VPS13C: variants seen among roughly 807,000 people sequenced by gnomAD.
VPS13C encodes vacuolar protein sorting 13 homolog C, also known as intermembrane lipid transfer protein VPS13C.
In VPS13C, 358 loss-of-function variants were observed where a neutral mutation model predicts 456.8. The ratio of observed to expected loss-of-function variants is 0.78; its 90% CI spans 0.72 to 0.86. The LOEUF (loss-of-function observed/expected upper bound fraction) is 0.86, where lower values mean the gene tolerates loss of function less well. VPS13C is among the 40% of genes least tolerant of loss of function. VPS13C has a pLI of 0.00. For synonymous variants in VPS13C, 1,578 were observed against 1,486.7 expected (o/e 1.06, Z -1.41); for missense variants, 4,818 against 4,385.4 (o/e 1.10, Z -2.79).
intron 11 of VPS13C, among the ~76,000 whole-genome samples, chr15:62,012,716 CTT>C (rs2047089743): frequency 1.3e-5 from 2 of 151,710 alleles, no homozygotes; most frequent in Admixed American, 1.3e-4. Context: ...TTATAATACT[CTT>C]AATCATTCTG....
chr15:62,005,734 G>A (rs1218742475), intron 15 of VPS13C, among the ~76,000 whole-genome samples: 4 of 149,858 alleles, frequency 2.7e-5, no homozygotes, highest in Non-Finnish European at 5.9e-5. Flanking sequence ...AGGGAGTTTC[G>A]CTCTTGTTGC....
chr15:62,023,520 T>C lies in VPS13C; in HGVS notation c.515A>G (p.Asp172Gly), dbSNP rs192865849. The change falls in exon 8 of 85, where the codon GAT (aspartate) becomes GGT (glycine). Residue 172 changes from aspartate (D) to glycine (G), a missense_variant and splice_region_variant. By Grantham distance (94) the Asp-to-Gly change is moderately conservative. This residue lies in a region of VPS13C where 4,552 missense variants were observed against 4,130.6 expected (regional missense o/e 1.10). Coordinates refer to ENST00000644861, the MANE Select transcript of VPS13C (RefSeq NM_020821.3). ...ATCCTTTTTGGCTTCTTTTGGCTTA[T>C]CTATTAAAAAATAGAAAAATACAAG... ...KPFKGLDRSK[D>G]KPKEAKKDTF... The C allele has an allele frequency of 2.9e-5, 45 of 1,560,508 alleles. No homozygotes were observed. The East Asian group carries it at 8.7e-4, about 30-fold the overall frequency.
At chr15:61,900,431 CA>C (rs1480819883) in intron 66 of VPS13C, among the ~76,000 whole-genome samples, 1 of 152,188 alleles carries the variant, frequency 6.6e-6, no homozygotes, top group Non-Finnish European at 1.5e-5. Context: ...GATACAAAAT[CA>C]ATGTACAAAA....
At chr15:62,008,596 G>C in intron 14 of VPS13C, 59 bp downstream of exon 14, 4 of 1,235,572 alleles carry the variant, frequency 3.2e-6, no homozygotes, top group Non-Finnish European at 3.3e-6. Context: ...TTAACTCTGA[G>C]AGTAACTAAA....
rs757628247 is a variant in VPS13C, at chr15:61,882,665, T to C, written c.9555A>G (p.Ser3185=). The change falls in exon 69 of 85, where the codon TCA becomes TCG. Residue 3185 remains serine, a synonymous_variant. Coordinates refer to ENST00000644861, the MANE Select transcript of VPS13C (RefSeq NM_020821.3). ...ACTGCTTAAATTCAATCTGAATTCC[T>C]GATAAAAAGTCTCGTTTAATAGGGC... ...IRSPIKRDFL[S]GIQIEFKQSS... 1.9e-6 allele frequency: 3 copies of C among 1,601,446 alleles called. No individual in the cohort carries two copies. The highest frequency in any genetic ancestry group is 2.6e-6 in the Non-Finnish European group (3 of 1,174,354).
chr15:61,929,879 T>C (rs915037037), intron 50 of VPS13C, 131 bp from the exon 51 acceptor site: 2 of 885,578 alleles, frequency 2.3e-6, no homozygotes, highest in Non-Finnish European at 3.3e-6. Flanking sequence ...CAGGTCAACA[T>C]TAACTAGAAT....
At chr15:61,954,678 C>T (rs2044925759) in intron 37 of VPS13C, 124 bp from the exon 38 acceptor site, 5 of 935,264 alleles carry the variant, frequency 5.3e-6, no homozygotes, top group Non-Finnish European at 7.7e-6. Flanking sequence ...TTAGTAACAG[C>T]GCTAGCCCTT....
Position 61,867,298 on chromosome 15 carries a change from C to T in VPS13C, c.10863+1361G>A, listed in dbSNP as rs189577757. On this transcript the variant is annotated intron_variant, in intron 81 of 84. Transcript: ENST00000644861. The surrounding 1 kb of genome is among the most constrained non-coding windows in gnomAD (Gnocchi z 5.0). ...TGTATATAACATAATTATAAAATGG[C>T]TATCATTTATTTAGCAACAGTACCA... is the stretch of plus-strand genomic sequence containing the variant. 7 of 984,646 alleles carry T rather than the reference C, an allele frequency of 7.1e-6. No homozygotes were observed. The East Asian group carries it at 8.0e-4, about 112-fold the overall frequency. The allele number at this position is 984,646 out of a possible 1,614,324, so 61.0% of individuals were successfully genotyped here.
chr15:62,004,405 CTCT>C (rs962478552), intron 15 of VPS13C, among the ~76,000 whole-genome samples: 1 of 152,044 alleles, frequency 6.6e-6, no homozygotes, highest in African/African-American at 2.4e-5. Flanking sequence ...TTTGATTCTT[CTCT>C]TTTTTCTTCT....
intron 25 of VPS13C, among the ~76,000 whole-genome samples, chr15:61,973,913 C>A (rs2045628603): frequency 6.6e-6 from 1 of 151,974 alleles, no homozygotes; most frequent in African/African-American, 2.4e-5. Flanking sequence ...AAGTAGAAAT[C>A]CAACATTTCT....
Position 61,946,426 on chromosome 15 carries a change from C to G in VPS13C, c.4877-16G>C. Reference sequence around the variant, plus strand: ...GCATCCATTCCTATAGGAAACATAACATTTATAAACTTTTCACCCAATCCA... The same window carrying G: ...GCATCCATTCCTATAGGAAACATAAGATTTATAAACTTTTCACCCAATCCA... On this transcript the variant is annotated splice_polypyrimidine_tract_variant and intron_variant, in intron 43 of 84. Coordinates refer to ENST00000644861, the MANE Select transcript of VPS13C (RefSeq NM_020821.3). 3.2e-6 allele frequency: 5 copies of G among 1,571,766 alleles called. No homozygotes were observed. The highest frequency in any genetic ancestry group is 4.3e-6 in the Non-Finnish European group (5 of 1,160,508).
At chr15:62,030,407 G>C (rs2047773594) in intron 5 of VPS13C, among the ~76,000 whole-genome samples, 1 of 152,010 alleles carries the variant, frequency 6.6e-6, no homozygotes. Context: ...AATGATGACA[G>C]GCCTGCTTCC....
intron 15 of VPS13C, among the ~76,000 whole-genome samples, chr15:62,001,334 T>C (rs1004246649): frequency 6.6e-6 from 1 of 152,240 alleles, no homozygotes; most frequent in African/African-American, 2.4e-5. Context: ...CTACGCTTTT[T>C]CTAATATTTC....
At chr15:61,947,892 G>A (rs570042641) in intron 42 of VPS13C, among the ~76,000 whole-genome samples, 5 of 152,238 alleles carry the variant, frequency 3.3e-5, no homozygotes, top group African/African-American at 1.2e-4. Flanking sequence ...AATTTATAAT[G>A]TATATGCACG....
chr15:61,993,791 G>A (rs2046296178), intron 16 of VPS13C, among the ~76,000 whole-genome samples: 1 of 152,050 alleles, frequency 6.6e-6, no homozygotes, highest in African/African-American at 2.4e-5. Context: ...TTAAAAATAT[G>A]AGAGCTGTCA....
intron 3 of VPS13C, among the ~76,000 whole-genome samples, chr15:62,037,393 A>G (rs1327974107): frequency 2.2e-5 from 2 of 91,052 alleles, no homozygotes; most frequent in African/African-American, 3.8e-5. Context: ...TGTATATAAT[A>G]TATTATATAT....
rs78836795 is a variant in VPS13C at position 62,058,050 on chromosome 15, G to A, written c.100+2225C>T. ...TTGAAATATGAGTAATTACATGAAAGTATTATATCATCCAGTATGATTTAA... is the reference window on the plus strand; with the variant it reads ...TTGAAATATGAGTAATTACATGAAAATATTATATCATCCAGTATGATTTAA... On this transcript the variant is annotated intron_variant, in intron 1 of 84. Coordinates refer to ENST00000644861, the MANE Select transcript of VPS13C (RefSeq NM_020821.3). Among the ~76,000 whole-genome samples, 541 of 152,256 alleles carry A rather than the reference G, an allele frequency of 3.6e-3. 6 individuals carry two copies. The highest frequency in any genetic ancestry group is 0.023 in the East Asian group (118 of 5,182).
Position 61,915,992 on chromosome 15 carries a change from C to G in VPS13C, c.8086G>C (p.Gly2696Arg). Reference protein sequence around the residue: ...GTAETHELAEGSTADVLHSRI... With the variant: ...GTAETHELAERSTADVLHSRI... ...GAATGCAGAACATCAGCAGTACTGCCTTCTGCCAGCTCATGAGTTTCTGCT... is the reference window on the plus strand; with the variant it reads ...GAATGCAGAACATCAGCAGTACTGCGTTCTGCCAGCTCATGAGTTTCTGCT... Residue 2696 changes from glycine to arginine, a missense_variant, in exon 61 of 85, where the codon GGC (glycine) becomes CGC (arginine). By Grantham distance (125) the Gly-to-Arg change is moderately radical. Coordinates refer to ENST00000644861, the MANE Select transcript of VPS13C (RefSeq NM_020821.3). 1 of 1,596,082 alleles carries G rather than the reference C, an allele frequency of 6.3e-7. No homozygotes were observed. The highest frequency in any genetic ancestry group is 8.6e-7 in the Non-Finnish European group (1 of 1,166,638).
intron 42 of VPS13C, among the ~76,000 whole-genome samples, chr15:61,949,141 T>A (rs979385219): frequency 1.3e-5 from 2 of 152,200 alleles, no homozygotes; most frequent in African/African-American, 4.8e-5. Context: ...TTTTCCTTTC[T>A]CACTTCCATT....
Sources: gnomAD v4.1 joint callset for allele counts (sites outside exome capture counted in the v4.1 genomes callset) on GRCh38, gnomAD v4.1.1 for gene constraint, gnomAD v4.1.1 regional missense constraint, Gnocchi (gnomAD v3.1) non-coding constraint, MANE v1.5 for transcripts, NCBI Gene and HGNC (gene_info 2026-07-23, HGNC 2026-07-21) for gene names.